TIFA: variants seen among roughly 807,000 people sequenced by gnomAD.
TIFA encodes TRAF-interacting protein with FHA domain-containing protein A.
For synonymous variants in TIFA, 75 were observed against 79.2 expected (o/e 0.95, Z 0.28); for missense variants, 186 against 215.2 (o/e 0.86, Z 0.85).
Position 112,285,647 on chromosome 4 carries a change from TG to T in TIFA, c.-27del. On this transcript the variant is annotated 5_prime_UTR_variant, in exon 1 of 2. Coordinates refer to ENST00000361717, the MANE Select transcript of TIFA (RefSeq NM_052864.3). ...CCGCCGCCCCGCAAGTACCTGGGGCTGGGGAGTCAGTGAACTCTCTTCAGCT... is the reference window on the plus strand; with the variant it reads ...CCGCCGCCCCGCAAGTACCTGGGGCTGGGAGTCAGTGAACTCTCTTCAGCT... The T allele has an allele frequency of 6.6e-6, 1 of 152,390 alleles. No individual in the cohort carries two copies. Among genetic ancestry groups the T allele is most frequent in the Non-Finnish European group, 1.5e-5 (1 of 68,142 alleles). The allele number at this position is 152,390 out of a possible 1,614,324, so 9.4% of individuals were successfully genotyped here.
chr4:112,278,012 T>C lies in TIFA; in HGVS notation c.405A>G (p.Glu135=). 1 of 1,614,046 alleles carries C rather than the reference T, an allele frequency of 6.2e-7. No individual in the cohort carries two copies. Among genetic ancestry groups the C allele is most frequent in the Non-Finnish European group, 8.5e-7 (1 of 1,179,994 alleles). ...LMEKEDGESL[E]FFETQFILSP... ...ATAAAATAAATTGAGTCTCAAAAAATTCCAATGACTCGCCATCTTCCTTCT... is the reference window on the plus strand; with the variant it reads ...ATAAAATAAATTGAGTCTCAAAAAACTCCAATGACTCGCCATCTTCCTTCT... Residue 135 remains glutamate, a synonymous_variant, in exon 2 of 2, where the codon GAA becomes GAG. Coordinates refer to ENST00000361717, the MANE Select transcript of TIFA (RefSeq NM_052864.3).
In TIFA at chr4:112,278,454, A is replaced by C. The variant is rs577719782; in HGVS notation, c.-18-20T>G. The C allele has an allele frequency of 2.7e-6, 4 of 1,508,044 alleles. No individual in the cohort carries two copies. The East Asian group carries it at 9.1e-5, about 34-fold the overall frequency. 93.4% of individuals were successfully genotyped at this position (1,508,044 alleles called of 1,614,324 possible). On this transcript the variant is annotated intron_variant, in intron 1 of 1. Coordinates refer to ENST00000361717, the MANE Select transcript of TIFA (RefSeq NM_052864.3). ...GCCCACCTGCAATAATTAAATTACC[A>C]TGTTAGTTTCTGCTTATGCTTGAGG...
chr4:112,276,073 T>C lies in TIFA; in HGVS notation c.*1789A>G, dbSNP rs1446372634. The C allele has an allele frequency of 6.6e-6, 1 of 152,238 alleles. No homozygotes were observed. The highest frequency in any genetic ancestry group is 1.5e-5 in the Non-Finnish European group (1 of 68,030). The allele number at this position is 152,238 out of a possible 1,614,324, so 9.4% of individuals were successfully genotyped here. A position where few individuals can be genotyped will look rare whatever the true frequency, so the allele number is the denominator to read the frequency against. On this transcript the variant is annotated 3_prime_UTR_variant, in exon 2 of 2. Transcript: ENST00000361717. The stretch of plus-strand genomic sequence containing the variant: ...CTGCTGCTATAACAAATTACTGTGA[T>C]TTAGTGGCTTACGACCAACACAAAT...
In TIFA at chr4:112,277,755, A is replaced by G; in HGVS notation, c.*107T>C. ...AATACTGAATTCCAAATTTCACAGC[A>G]TAACAGATGACTATAATATACTACC... On this transcript the variant is annotated 3_prime_UTR_variant, in exon 2 of 2. Transcript: ENST00000361717. 1 of 1,130,454 alleles carries G rather than the reference A, an allele frequency of 8.8e-7. No individual in the cohort carries two copies. Among genetic ancestry groups the G allele is most frequent in the Non-Finnish European group, 1.2e-6 (1 of 851,610 alleles). 70.0% of individuals were successfully genotyped at this position (1,130,454 alleles called of 1,614,324 possible). A position where few individuals can be genotyped will look rare whatever the true frequency, so the allele number is the denominator to read the frequency against.
chr4:112,277,684 G>GT lies in TIFA; in HGVS notation c.*177_*178insA. The GT allele has an allele frequency of 4.2e-6, 2 of 479,344 alleles. No homozygotes were observed. The highest frequency in any genetic ancestry group is 5.6e-5 in the South Asian group (1 of 17,970). The allele number at this position is 479,344 out of a possible 1,614,324, so 29.7% of individuals were successfully genotyped here. ...TTTTGTGTAGATCCAGAATACAACA[G>GT]GTGACTAAGTTAATGACTAACACAA... is the stretch of plus-strand genomic sequence containing the variant. On this transcript the variant is annotated 3_prime_UTR_variant, in exon 2 of 2. Coordinates refer to ENST00000361717, the MANE Select transcript of TIFA (RefSeq NM_052864.3).
chr4:112,275,998 G>T lies in TIFA; in HGVS notation c.*1864C>A, dbSNP rs932738676. On this transcript the variant is annotated 3_prime_UTR_variant, in exon 2 of 2. Transcript: ENST00000361717. ...AGACCAGAAGCTAAAATCCTAGAAA[G>T]AATCAATAGTAGATAACCTTATATT... 1.3e-5 allele frequency: 2 copies of T among 152,124 alleles called. No homozygotes were observed. The highest frequency in any genetic ancestry group is 2.9e-5 in the Non-Finnish European group (2 of 68,020). The allele number at this position is 152,124 out of a possible 1,614,324, so 9.4% of individuals were successfully genotyped here. A position where few individuals can be genotyped will look rare whatever the true frequency, so the allele number is the denominator to read the frequency against.
intron 1 of TIFA, among the ~76,000 whole-genome samples, 166 bp from the exon 2 acceptor site, chr4:112,278,600 T>C (rs572049850): frequency 6.6e-6 from 1 of 152,238 alleles, no homozygotes; most frequent in Non-Finnish European, 1.5e-5. Context: ...TGAAATCTTA[T>C]ACCAAGCCCT....
rs911882188 is a variant in TIFA at position 112,274,745 on chromosome 4, A to C, written c.*3117T>G. 5.9e-5 allele frequency: 9 copies of C among 152,222 alleles called. No individual in the cohort carries two copies. Among genetic ancestry groups the C allele is most frequent in the African/African-American group, 1.4e-4 (6 of 41,460 alleles). The allele number at this position is 152,222 out of a possible 1,614,324, so 9.4% of individuals were successfully genotyped here. ...TAAATTTTTTTTTAATGTAAAGCTT[A>C]AGTGAACACATACCTGATCCCACCT... On this transcript the variant is annotated 3_prime_UTR_variant, in exon 2 of 2. Coordinates refer to ENST00000361717, the MANE Select transcript of TIFA (RefSeq NM_052864.3).
Position 112,278,133 on chromosome 4 carries a change from T to C in TIFA, c.284A>G (p.Asn95Ser), listed in dbSNP as rs770115405. 44 of 1,613,964 alleles carry C rather than the reference T, an allele frequency of 2.7e-5. No homozygotes were observed. Among genetic ancestry groups the C allele is most frequent in the Non-Finnish European group, 3.6e-5 (42 of 1,180,018 alleles). The change falls in exon 2 of 2, where the codon AAT (asparagine) becomes AGT (serine). Residue 95 changes from asparagine (N) to serine (S), a missense_variant. Transcript: ENST00000361717. Reference protein sequence around the residue: ...FEIKNMSKKTNLIVDSRELGY... With the variant: ...FEIKNMSKKTSLIVDSRELGY... ...CAGCTCTCTGCTGTCCACGATCAGA[T>C]TGGTCTTTTTACTCATATTTTTTAT... is the stretch of plus-strand genomic sequence containing the variant.
intron 1 of TIFA, among the ~76,000 whole-genome samples, chr4:112,284,670 C>T (rs1727288497): frequency 6.7e-6 from 1 of 150,344 alleles, no homozygotes; most frequent in Non-Finnish European, 1.5e-5. Context: ...TGGGTGGTTG[C>T]AAGTAGGAAG....
In TIFA at chr4:112,276,613, T is replaced by C. The variant is rs28555653; in HGVS notation, c.*1249A>G. On this transcript the variant is annotated 3_prime_UTR_variant, in exon 2 of 2. Coordinates refer to ENST00000361717, the MANE Select transcript of TIFA (RefSeq NM_052864.3). ...GGACAAATATTTCACTCTACTGGAA[T>C]AGTCCCAGGGCTGGGGAGTCGGGGT... 0.29 allele frequency: 43,818 copies of C among 152,120 alleles called. 6,535 individuals carry two copies. Among genetic ancestry groups the C allele is most frequent in the East Asian group, 0.39 (1,997 of 5,154 alleles). 9.4% of individuals were successfully genotyped at this position (152,120 alleles called of 1,614,324 possible). A position where few individuals can be genotyped will look rare whatever the true frequency, so the allele number is the denominator to read the frequency against.
At chr4:112,280,850 A>G (rs949415781) in intron 1 of TIFA, among the ~76,000 whole-genome samples, 15 of 152,184 alleles carry the variant, frequency 9.9e-5, no homozygotes. Context: ...GCTCTACCCA[A>G]GCAGGCCACA....
rs1255306031 is a variant in TIFA, at chr4:112,276,038, A to C, written c.*1824T>G. 1.3e-5 allele frequency: 2 copies of C among 152,232 alleles called. No homozygotes were observed. Among genetic ancestry groups the C allele is most frequent in the East Asian group, 1.9e-4 (1 of 5,208 alleles). The allele number at this position is 152,232 out of a possible 1,614,324, so 9.4% of individuals were successfully genotyped here. Reference sequence around the variant, plus strand: ...AACCTTATATTAAAGGGAGTATATTAGTTTTCTATCTGCTGCTATAACAAA... The same window carrying C: ...AACCTTATATTAAAGGGAGTATATTCGTTTTCTATCTGCTGCTATAACAAA... On this transcript the variant is annotated 3_prime_UTR_variant, in exon 2 of 2. Transcript: ENST00000361717.
In TIFA at chr4:112,285,813, GAGCCGCCGATC is replaced by G. The variant is rs1326173819; in HGVS notation, c.-203_-193del. 1 of 152,336 alleles carries G rather than the reference GAGCCGCCGATC, an allele frequency of 6.6e-6. No individual in the cohort carries two copies. Among genetic ancestry groups the G allele is most frequent in the Non-Finnish European group, 1.5e-5 (1 of 68,126 alleles). 9.4% of individuals were successfully genotyped at this position (152,336 alleles called of 1,614,324 possible). A position where few individuals can be genotyped will look rare whatever the true frequency, so the allele number is the denominator to read the frequency against. ...AACCGAGCCAGGGACCAGTGACCGC[GAGCCGCCGATC>G]CTCCCGCGCTCCCGCGCGCGCGGCC... On this transcript the variant is annotated 5_prime_UTR_variant, in exon 1 of 2. Transcript: ENST00000361717.
chr4:112,274,719 A>G lies in TIFA; in HGVS notation c.*3143T>C, dbSNP rs755398680. ...AAGGCATATATATTTATTTACACAT[A>G]TAAATTTTTTTTTAATGTAAAGCTT... On this transcript the variant is annotated 3_prime_UTR_variant, in exon 2 of 2. Coordinates refer to ENST00000361717, the MANE Select transcript of TIFA (RefSeq NM_052864.3). The G allele has an allele frequency of 6.6e-6, 1 of 152,188 alleles. No homozygotes were observed. Among genetic ancestry groups the G allele is most frequent in the Non-Finnish European group, 1.5e-5 (1 of 68,030 alleles). 9.4% of individuals were successfully genotyped at this position (152,188 alleles called of 1,614,324 possible). A position where few individuals can be genotyped will look rare whatever the true frequency, so the allele number is the denominator to read the frequency against.
chr4:112,283,571 C>T (rs1340174797), intron 1 of TIFA, among the ~76,000 whole-genome samples: 1 of 152,162 alleles, frequency 6.6e-6, no homozygotes, highest in Non-Finnish European at 1.5e-5. Context: ...ACAGGAAAGA[C>T]AGAAGCTGAC....
At chr4:112,285,606 C>T (rs1727309431) in intron 1 of TIFA, 34 bp downstream of exon 1, 1 of 152,278 alleles carries the variant, frequency 6.6e-6, no homozygotes, top group Non-Finnish European at 1.5e-5. Flanking sequence ...GGGCCAGTCC[C>T]CACCTCACCC....
chr4:112,278,158 T>C lies in TIFA; in HGVS notation c.259A>G (p.Ile87Val), dbSNP rs1727157276. Residue 87 changes from isoleucine (I) to valine (V), a missense_variant, in exon 2 of 2, where the codon ATA becomes GTA. Coordinates refer to ENST00000361717, the MANE Select transcript of TIFA (RefSeq NM_052864.3). Reference sequence around the variant, plus strand: ...TTGGTCTTTTTACTCATATTTTTTATTTCAAAGGAGAGAACTGAGCTGTTG... The same window carrying C: ...TTGGTCTTTTTACTCATATTTTTTACTTCAAAGGAGAGAACTGAGCTGTTG... ...KFNSSVLSFE[I>V]KNMSKKTNLI... The C allele has an allele frequency of 6.2e-7, 1 of 1,613,894 alleles. No individual in the cohort carries two copies. The highest frequency in any genetic ancestry group is 1.1e-5 in the South Asian group (1 of 91,060).
rs780172712 is a variant in TIFA at position 112,278,123 on chromosome 4, C to T, written c.294G>A (p.Val98=). 6.2e-6 allele frequency: 10 copies of T among 1,613,920 alleles called. No homozygotes were observed. The highest frequency in any genetic ancestry group is 1.3e-5 in the African/African-American group (1 of 74,906). Residue 98 remains valine (V), a synonymous_variant, in exon 2 of 2, where the codon GTG becomes GTA. Transcript: ENST00000361717. ...TTAGGTAGCCCAGCTCTCTGCTGTC[C>T]ACGATCAGATTGGTCTTTTTACTCA... ...KNMSKKTNLI[V]DSRELGYLNK... is the part of the protein sequence containing the mutation.
Sources: gnomAD v4.1 joint callset for allele counts (sites outside exome capture counted in the v4.1 genomes callset) on GRCh38, gnomAD v4.1.1 for gene constraint, MANE v1.5 for transcripts, NCBI Gene and HGNC (gene_info 2026-07-23, HGNC 2026-07-21) for gene names.